The following WAC variants were observed in gnomAD, a reference collection of about 807,000 sequenced individuals.
The protein encoded by WAC is WW domain-containing adapter protein with coiled-coil.
WAC carries 11 observed loss-of-function variants against 79.6 expected under a neutral mutation model. That is an observed-to-expected ratio of 0.14 (90% CI 0.09 to 0.23). WAC has a LOEUF of 0.23. Ranked by LOEUF, WAC falls within the 10% of genes least tolerant of loss-of-function variation. The probability of loss-of-function intolerance (pLI) is 1.00; values close to 1 mark genes in which losing one functional copy is unlikely to be tolerated. For missense variants in WAC, 728 were observed against 773.5 expected (o/e 0.94, Z 0.70); for synonymous variants, 304 against 276.9 (o/e 1.10, Z -0.97).
In WAC at chr10:28,619,526, T is replaced by C; in HGVS notation, c.1875-11T>C. ...TGTACACAGGTTCTAATGTCTGCTT[T>C]TTTTTTTCAGGATACTATTTTTGAG... is the stretch of plus-strand genomic sequence containing the variant. On this transcript the variant is annotated splice_polypyrimidine_tract_variant and intron_variant, in intron 13 of 13. Transcript: ENST00000354911. 1.3e-6 allele frequency: 2 copies of C among 1,569,634 alleles called. No homozygotes were observed. Among genetic ancestry groups the C allele is most frequent in the Non-Finnish European group, 8.6e-7 (1 of 1,166,082 alleles).
rs1453136652 is a variant in WAC at position 28,535,696 on chromosome 10, C to T, written c.213C>T (p.Asp71=). The T allele has an allele frequency of 3.1e-6, 5 of 1,613,910 alleles. No individual in the cohort carries two copies. The African/African-American group carries it at 5.3e-5, about 17-fold the overall frequency. The part of the protein sequence containing the change: ...RSDSPENKYS[D]STGHSKAKNV... ...ATAGTCCTGAAAACAAATACAGTGA[C>T]AGCACAGGTCACAGTAAGGCCAAAA... is the stretch of plus-strand genomic sequence containing the variant. The change falls in exon 3 of 14, where the codon GAC becomes GAT. Residue 71 remains aspartate, a synonymous_variant. Transcript: ENST00000354911.
intron 6 of WAC, chr10:28,591,334 A>G (rs1840072827): frequency 1.3e-5 from 2 of 153,160 alleles, no homozygotes; most frequent in South Asian, 4.1e-4. Context: ...TCTGTGTAAC[A>G]TCTCTAGTTT....
chr10:28,548,298 G>C (rs980785683), intron 3 of WAC, among the ~76,000 whole-genome samples: 6 of 152,072 alleles, frequency 3.9e-5, no homozygotes, highest in Non-Finnish European at 5.9e-5. Flanking sequence ...CTATCCGTTA[G>C]AGAGTCATCT....
At chr10:28,541,194 A>G (rs1836998801) in intron 3 of WAC, among the ~76,000 whole-genome samples, 2 of 152,066 alleles carry the variant, frequency 1.3e-5, no homozygotes, top group South Asian at 4.1e-4. Flanking sequence ...TCTGTAATTC[A>G]CAGAAAATTT....
intron 3 of WAC, chr10:28,538,356 C>G: frequency 3.3e-6 from 1 of 300,450 alleles, no homozygotes; most frequent in South Asian, 2.5e-5. Context: ...CCGAGGCAGG[C>G]AGATCACCTG....
At chr10:28,555,192 C>A (rs1467059192) in intron 3 of WAC, among the ~76,000 whole-genome samples, 1 of 152,152 alleles carries the variant, frequency 6.6e-6, no homozygotes, top group Admixed American at 6.5e-5. Context: ...TAGCAATGAG[C>A]TCCAGTTACT....
chr10:28,612,260 T>G (rs971665775), intron 10 of WAC, among the ~76,000 whole-genome samples: 6 of 152,262 alleles, frequency 3.9e-5, no homozygotes, highest in Non-Finnish European at 7.3e-5. Context: ...TTCCAGTGAC[T>G]TTTCCATATT....
intron 10 of WAC, among the ~76,000 whole-genome samples, chr10:28,614,159 G>A (rs905918366): frequency 6.6e-6 from 1 of 152,048 alleles, no homozygotes; most frequent in Non-Finnish European, 1.5e-5. Context: ...AGGCGGGAGT[G>A]CTGTGGCGCG....
At chr10:28,583,980 A>T (rs1839674516) in intron 4 of WAC, among the ~76,000 whole-genome samples, 1 of 152,202 alleles carries the variant, frequency 6.6e-6, no homozygotes, top group South Asian at 2.1e-4. Flanking sequence ...ATATTTTCAG[A>T]AGTTTAGTTT....
intron 3 of WAC, among the ~76,000 whole-genome samples, chr10:28,581,238 CTTTTTTTT>C (rs71391053): frequency 0.09 from 5,943 of 66,292 alleles, 199 homozygotes; most frequent in African/African-American, 0.13. Flanking sequence ...ATGAGCGATT[CTTTTTTTT>C]TTTTTTTTTT....
At chr10:28,611,720 GT>G in intron 9 of WAC, 53 bp from the exon 10 acceptor site, 2 of 1,592,120 alleles carry the variant, frequency 1.3e-6, no homozygotes, top group South Asian at 1.1e-5. Context: ...AAGGACTTTA[GT>G]TTTTTGTTTT....
In WAC at chr10:28,596,543, A is replaced by G. The variant is rs552936402; in HGVS notation, c.919+502A>G. Among the ~76,000 whole-genome samples the G allele has an allele frequency of 5.3e-5, 8 of 152,338 alleles. No individual in the cohort carries two copies. The East Asian group carries it at 1.5e-3, about 29-fold the overall frequency. ...TTGGACCTTAAGTCTGAAGAGTGGA[A>G]GTTAAACGTTGCAACCCAAATTGCG... is the stretch of plus-strand genomic sequence containing the variant. On this transcript the variant is annotated intron_variant, in intron 7 of 13. Transcript: ENST00000354911.
intron 3 of WAC, among the ~76,000 whole-genome samples, chr10:28,556,578 A>G (rs1838009584): frequency 6.6e-6 from 1 of 150,588 alleles, no homozygotes; most frequent in African/African-American, 2.4e-5. Flanking sequence ...AGTCACACGT[A>G]TTTTTGCTTT....
Position 28,611,732 on chromosome 10 carries a change from G to T in WAC, c.1289-42G>T, listed in dbSNP as rs1554791040. On this transcript the variant is annotated intron_variant, in intron 9 of 13. Coordinates refer to ENST00000354911, the MANE Select transcript of WAC (RefSeq NM_016628.5). ...ACAAAGGACTTTAGTTTTTTGTTTT[G>T]TTTTGTTTTTCTTTAAAATTAATTG... The T allele has an allele frequency of 3.1e-6, 5 of 1,597,860 alleles. No homozygotes were observed. In the Admixed American group the frequency reaches 5.4e-5, roughly 17 times the overall value.
intron 7 of WAC, among the ~76,000 whole-genome samples, chr10:28,604,779 G>A (rs1198057016): frequency 6.6e-6 from 1 of 152,148 alleles, no homozygotes; most frequent in Non-Finnish European, 1.5e-5. Flanking sequence ...CTAGTACAAA[G>A]GAGGGATAAT....
At chr10:28,601,109 A>G (rs368697311) in intron 7 of WAC, among the ~76,000 whole-genome samples, 5 of 152,154 alleles carry the variant, frequency 3.3e-5, no homozygotes, top group African/African-American at 1.2e-4. Flanking sequence ...TCAGTATTAA[A>G]AACTTGTACA....
At chr10:28,581,031 C>T (rs1169760118) in intron 3 of WAC, among the ~76,000 whole-genome samples, 1 of 152,038 alleles carries the variant, frequency 6.6e-6, no homozygotes, top group Admixed American at 6.6e-5. Context: ...CTTAATTCCT[C>T]CAGCAACAAA....
intron 7 of WAC, among the ~76,000 whole-genome samples, chr10:28,604,821 AC>A (rs1447811960): frequency 1.3e-5 from 2 of 152,204 alleles, no homozygotes; most frequent in Non-Finnish European, 2.9e-5. Context: ...ACTGAGTAAT[AC>A]ACTAGATTTG....
intron 3 of WAC, among the ~76,000 whole-genome samples, chr10:28,583,090 C>CT (rs968700260): frequency 2.6e-5 from 4 of 152,014 alleles, no homozygotes; most frequent in Non-Finnish European, 4.4e-5. Context: ...TCCAGTAAAA[C>CT]TTTAAGAAAA....
Sources: gnomAD v4.1 joint callset for allele counts (sites outside exome capture counted in the v4.1 genomes callset) on GRCh38, gnomAD v4.1.1 for gene constraint, MANE v1.5 for transcripts, NCBI Gene and HGNC (gene_info 2026-07-23, HGNC 2026-07-21) for gene names.